GPATCH1: variants seen among roughly 807,000 people sequenced by gnomAD.
GPATCH1 encodes G patch domain-containing protein 1.
A neutral mutation model predicts 114.9 loss-of-function variants in GPATCH1; 73 were observed. The observed-to-expected ratio is 0.64, with a 90% CI of 0.53 to 0.77. The LOEUF (loss-of-function observed/expected upper bound fraction) is 0.77. GPATCH1 is among the 30% of genes least tolerant of loss of function. The probability of loss-of-function intolerance (pLI) is 0.00; values close to 1 mark genes in which losing one functional copy is unlikely to be tolerated. For synonymous variants in GPATCH1, 391 were observed against 428.4 expected, an observed-to-expected ratio of 0.91 and a Z score of 1.08; for missense variants, 1,058 against 1,144.3, an observed-to-expected ratio of 0.92 and a Z score of 1.09.
intron 16 of GPATCH1, 38 bp from the exon 17 acceptor site, chr19:33,118,972 G>T: frequency 1.6e-6 from 2 of 1,231,806 alleles, no homozygotes; most frequent in Non-Finnish European, 2.4e-6. Context: ...CATTAACATG[G>T]GGCAGACGAA....
At chr19:33,118,157 A>G (rs1972937500) in intron 16 of GPATCH1, 116 bp downstream of exon 16, 1 of 627,546 alleles carries the variant, frequency 1.6e-6, no homozygotes, top group Non-Finnish European at 2.7e-6. Flanking sequence ...AATGATATGT[A>G]ATCTTTTATA....
chr19:33,119,654 C>T (rs1345467533), intron 17 of GPATCH1, among the ~76,000 whole-genome samples: 4 of 149,670 alleles, frequency 2.7e-5, no homozygotes, highest in Non-Finnish European at 5.9e-5. Flanking sequence ...GCCGATATTG[C>T]ACCATTGCAC....
intron 19 of GPATCH1, among the ~76,000 whole-genome samples, 153 bp from the exon 20 acceptor site, chr19:33,129,977 A>C (rs1599870467): frequency 6.7e-6 from 1 of 150,154 alleles, no homozygotes; most frequent in South Asian, 2.1e-4. Context: ...CAGATTAGGC[A>C]GTACTTCATT....
intron 10 of GPATCH1, among the ~76,000 whole-genome samples, 198 bp from the exon 11 acceptor site, chr19:33,109,513 AAATAAT>A (rs201120613): frequency 6.6e-6 from 1 of 152,024 alleles, no homozygotes; most frequent in African/African-American, 2.4e-5. Context: ...ACTCCATCTA[AAATAAT>A]AATAATAATA....
At chr19:33,113,717 G>A (rs1220508769) in intron 13 of GPATCH1, 50 bp from the exon 14 acceptor site, 9 of 1,564,074 alleles carry the variant, frequency 5.8e-6, no homozygotes, top group Non-Finnish European at 7.9e-6. Context: ...TCAGGAGGTG[G>A]ATTTTGTCCT....
In GPATCH1 at chr19:33,109,841, G is replaced by C. The variant is rs559178597; in HGVS notation, c.1410G>C (p.Gln470His). 1 of 1,614,008 alleles carries C rather than the reference G, an allele frequency of 6.2e-7. No individual in the cohort carries two copies. The highest frequency in any genetic ancestry group is 8.5e-7 in the Non-Finnish European group (1 of 1,180,012). Residue 470 changes from glutamine to histidine, a missense_variant, in exon 11 of 20, where the codon CAG (glutamine) becomes CAC (histidine). Around this residue, in one of 3 missense-constraint regions of GPATCH1, gnomAD observed 893 missense variants for 977.4 expected, o/e 0.91. Transcript: ENST00000170564. ...LKARSLAQNA[Q>H]SSRAQLSPAA... ...CCAGGAGTCTGGCCCAGAACGCTCA[G>C]AGCAGCAGAGCCCAGCTCTCCCCTG...
chr19:33,100,560 C>T (rs1015131480), intron 8 of GPATCH1, among the ~76,000 whole-genome samples: 4 of 138,062 alleles, frequency 2.9e-5, no homozygotes, highest in African/African-American at 1.2e-4. Context: ...TGTACTCTAG[C>T]CTGGTGACAG....
At chr19:33,120,699 A>T (rs77177483) in intron 17 of GPATCH1, among the ~76,000 whole-genome samples, 18,833 of 150,898 alleles carry the variant, frequency 0.12, 1,455 homozygotes, top group Admixed American at 0.28. Flanking sequence ...ATCTCTATTT[A>T]AAAAAAAAGG....
At chr19:33,117,737 T>C (rs780343301) in intron 15 of GPATCH1, 88 bp from the exon 16 acceptor site, 20 of 883,910 alleles carry the variant, frequency 2.3e-5, no homozygotes, top group Non-Finnish European at 3.8e-5. Context: ...TAAACATAAA[T>C]ATGTGTGTCT....
rs1229764243 is a variant in GPATCH1 at position 33,106,893 on chromosome 19, A to G, written c.1279A>G (p.Ile427Val). Residue 427 changes from isoleucine to valine, a missense_variant, in exon 10 of 20, where the codon ATT (isoleucine) becomes GTT (valine). Transcript: ENST00000170564. ...KRAELLGETP[I>V]QGSATSVLEF... ...GGCTGAGTTGCTTGGAGAGACGCCTATTCAAGGTATGTGCCATGGAGAAGA... is the reference window on the plus strand; with the variant it reads ...GGCTGAGTTGCTTGGAGAGACGCCTGTTCAAGGTATGTGCCATGGAGAAGA... 4 of 1,608,924 alleles carry G rather than the reference A, an allele frequency of 2.5e-6. No homozygotes were observed. The highest frequency in any genetic ancestry group is 1.7e-4 in the Middle Eastern group (1 of 6,050).
chr19:33,120,274 T>TTATATATAAAAATTATATAAAAC (rs1972966436), intron 17 of GPATCH1, among the ~76,000 whole-genome samples: 1 of 112,160 alleles, frequency 8.9e-6, no homozygotes, highest in African/African-American at 3.6e-5. Context: ...TATATAACAA[T>TTATATATAAAAATTATATAAAAC]TATATATAAA....
At chr19:33,081,335 G>A (rs1972473691) in intron 1 of GPATCH1, 69 bp downstream of exon 1, 12 of 1,253,800 alleles carry the variant, frequency 9.6e-6, no homozygotes, top group Non-Finnish European at 1.2e-5. Context: ...GGCCACAAAA[G>A]CACAAGTCGG....
chr19:33,084,904 G>A (rs1011467370), intron 1 of GPATCH1, among the ~76,000 whole-genome samples: 3 of 152,098 alleles, frequency 2.0e-5, no homozygotes, highest in Admixed American at 1.3e-4. Flanking sequence ...CAGGTGATCC[G>A]CCCGCCTCGG....
Position 33,106,575 on chromosome 19 carries a change from G to A in GPATCH1, c.1081-120G>A, listed in dbSNP as rs866344353. 1.2e-4 allele frequency: 87 copies of A among 750,818 alleles called. 1 individual carries two copies. The South Asian group carries it at 1.3e-3, about 12-fold the overall frequency. 46.5% of individuals were successfully genotyped at this position (750,818 alleles called of 1,614,324 possible). ...CAGCCTGTTCTTGTGCTACCTGCCTGCTGAGTGTTAACCCGGGAAGGGGCG... is the reference window on the plus strand; with the variant it reads ...CAGCCTGTTCTTGTGCTACCTGCCTACTGAGTGTTAACCCGGGAAGGGGCG... On this transcript the variant is annotated intron_variant, in intron 9 of 19. Transcript: ENST00000170564.
intron 10 of GPATCH1, among the ~76,000 whole-genome samples, chr19:33,108,350 G>A (rs1048011813): frequency 6.6e-6 from 1 of 152,096 alleles, no homozygotes; most frequent in African/African-American, 2.4e-5. Context: ...CGCCTTTCAG[G>A]CTGCACCATC....
chr19:33,094,224 G>A lies in GPATCH1; in HGVS notation c.508G>A (p.Gly170Arg), dbSNP rs148814248. The change falls in exon 5 of 20, where the codon GGA becomes AGA. Residue 170 changes from glycine (G) to arginine (R), a missense_variant. Coordinates refer to ENST00000170564, the MANE Select transcript of GPATCH1 (RefSeq NM_018025.3). ...LRKMGWKEGQ[G>R]VGPRVKRRPR... Reference sequence around the variant, plus strand: ...AAAAATGGGTTGGAAAGAAGGACAAGGAGTTGGTCCTCGAGTAAAGAGACG... The same window carrying A: ...AAAAATGGGTTGGAAAGAAGGACAAAGAGTTGGTCCTCGAGTAAAGAGACG... The A allele has an allele frequency of 2.4e-5, 38 of 1,610,556 alleles. No individual in the cohort carries two copies. In the African/African-American group the frequency reaches 3.5e-4, roughly 15 times the overall value.
At chr19:33,107,214 C>T (rs908269201) in intron 10 of GPATCH1, among the ~76,000 whole-genome samples, 1 of 152,098 alleles carries the variant, frequency 6.6e-6, no homozygotes, top group African/African-American at 2.4e-5. Flanking sequence ...TCCCATGTTG[C>T]TGGGACTATA....
At chr19:33,095,034 C>T (rs1034441060) in intron 5 of GPATCH1, among the ~76,000 whole-genome samples, 3 of 151,978 alleles carry the variant, frequency 2.0e-5, no homozygotes, top group African/African-American at 4.8e-5. Flanking sequence ...TGTGGTGGAG[C>T]GCACCTGTAG....
intron 18 of GPATCH1, 99 bp from the exon 19 acceptor site, chr19:33,126,489 G>T: frequency 1.3e-6 from 2 of 1,542,796 alleles, no homozygotes; most frequent in South Asian, 1.2e-5. Context: ...ACATTTTTTT[G>T]AATGACTCCA....
Sources: gnomAD v4.1 joint callset for allele counts (sites outside exome capture counted in the v4.1 genomes callset) on GRCh38, gnomAD v4.1.1 for gene constraint, gnomAD v4.1.1 regional missense constraint, MANE v1.5 for transcripts, NCBI Gene and HGNC (gene_info 2026-07-23, HGNC 2026-07-21) for gene names.